Variants in REEP3 observed in about 807,000 individuals in gnomAD.
REEP3 encodes receptor expression-enhancing protein 3.
A neutral mutation model predicts 41.3 loss-of-function variants in REEP3; 20 were observed. The observed-to-expected ratio is 0.48, with a 90% CI of 0.34 to 0.70. The LOEUF (loss-of-function observed/expected upper bound fraction) is 0.70, where lower values mean the gene tolerates loss of function less well. Among genes scored for constraint, REEP3 ranks in the 30% least tolerant of loss-of-function variants. REEP3 has a pLI of 0.01. For synonymous variants in REEP3, 104 were observed against 101.8 expected (o/e 1.02, Z -0.13); for missense variants, 271 against 308.8 (o/e 0.88, Z 0.92).
intron 1 of REEP3, among the ~76,000 whole-genome samples, chr10:63,535,266 C>G (rs966459753): frequency 6.6e-6 from 1 of 151,900 alleles, no homozygotes; most frequent in African/African-American, 2.4e-5. Flanking sequence ...CAATAAATAT[C>G]AACAAATTTT....
chr10:63,607,918 G>T (rs1044808380), intron 5 of REEP3, among the ~76,000 whole-genome samples: 1 of 152,172 alleles, frequency 6.6e-6, no homozygotes, highest in Non-Finnish European at 1.5e-5. Flanking sequence ...TGAGTCATTT[G>T]TATCCTGAAA....
chr10:63,568,537 G>A (rs914442961), intron 2 of REEP3, among the ~76,000 whole-genome samples: 2 of 151,964 alleles, frequency 1.3e-5, no homozygotes, highest in Non-Finnish European at 2.9e-5. Flanking sequence ...AAAGTGCTGG[G>A]ATTACAGGCG....
chr10:63,556,298 C>G (rs902364950), intron 1 of REEP3, among the ~76,000 whole-genome samples: 2 of 149,384 alleles, frequency 1.3e-5, no homozygotes, highest in Non-Finnish European at 3.0e-5. Context: ...TTTTTTGTAT[C>G]TTTAGTAGAG....
intron 1 of REEP3, among the ~76,000 whole-genome samples, chr10:63,541,678 C>T (rs577367834): frequency 9.5e-4 from 142 of 149,988 alleles, no homozygotes; most frequent in African/African-American, 3.4e-3. Context: ...GTTATATTAA[C>T]GAAAGAACTG....
At chr10:63,540,172 TAGG>T in intron 1 of REEP3, among the ~76,000 whole-genome samples, 1 of 152,276 alleles carries the variant, frequency 6.6e-6, no homozygotes, top group East Asian at 1.9e-4. Flanking sequence ...ACAGAAGTAT[TAGG>T]AGAAAAGAAT....
Position 63,621,871 on chromosome 10 carries a change from T to C in REEP3, c.*1002T>C, listed in dbSNP as rs1956355757. On this transcript the variant is annotated 3_prime_UTR_variant, in exon 8 of 8. Coordinates refer to ENST00000373758, the MANE Select transcript of REEP3 (RefSeq NM_001001330.3). ...GCCAATCCATTCACAAGCTTGGCAT[T>C]GACATGTGCTGCTAGTTTATAAACT... 1 of 152,224 alleles carries C rather than the reference T, an allele frequency of 6.6e-6. No individual in the cohort carries two copies. Among genetic ancestry groups the C allele is most frequent in the African/African-American group, 2.4e-5 (1 of 41,462 alleles). 9.4% of individuals were successfully genotyped at this position (152,224 alleles called of 1,614,324 possible).
chr10:63,600,929 G>A (rs1956166445), intron 5 of REEP3, among the ~76,000 whole-genome samples: 1 of 152,008 alleles, frequency 6.6e-6, no homozygotes, highest in Non-Finnish European at 1.5e-5. Context: ...CGAGGCAGAT[G>A]GATCACTTAA....
chr10:63,598,425 A>G (rs1956137946), intron 4 of REEP3, among the ~76,000 whole-genome samples: 1 of 139,770 alleles, frequency 7.2e-6, no homozygotes, highest in South Asian at 2.5e-4. Flanking sequence ...CGGAGGTTGC[A>G]GTGAGCTGAG....
intron 1 of REEP3, among the ~76,000 whole-genome samples, chr10:63,538,265 T>G: frequency 6.6e-6 from 1 of 152,176 alleles, no homozygotes. Flanking sequence ...ATAAGAGTAA[T>G]TTAAATTTTT....
At chr10:63,549,985 G>A (rs990304144) in intron 1 of REEP3, among the ~76,000 whole-genome samples, 2 of 152,218 alleles carry the variant, frequency 1.3e-5, no homozygotes, top group Non-Finnish European at 2.9e-5. Flanking sequence ...AGCAAGGGGT[G>A]AGGAGGCCTG....
chr10:63,569,844 A>G (rs1451387984), intron 2 of REEP3, among the ~76,000 whole-genome samples: 1 of 152,108 alleles, frequency 6.6e-6, no homozygotes, highest in Non-Finnish European at 1.5e-5. Context: ...GGAAAGGCTG[A>G]GGTGGGAGAA....
rs980807354 is a variant in REEP3 at position 63,622,770 on chromosome 10, G to T, written c.*1901G>T. The T allele has an allele frequency of 1.4e-5, 2 of 147,130 alleles. No homozygotes were observed. Among genetic ancestry groups the T allele is most frequent in the African/African-American group, 5.1e-5 (2 of 39,296 alleles). 9.1% of individuals were successfully genotyped at this position (147,130 alleles called of 1,614,324 possible). On this transcript the variant is annotated 3_prime_UTR_variant, in exon 8 of 8. Transcript: ENST00000373758. ...TCACCAGGCTGGAGTGCAGTGGCGC[G>T]ATCTCGGCTCACTACAACCTCTGCC...
At chr10:63,615,318 TA>T (rs1956303804) in intron 6 of REEP3, among the ~76,000 whole-genome samples, 1 of 152,156 alleles carries the variant, frequency 6.6e-6, no homozygotes, top group Non-Finnish European at 1.5e-5. Context: ...GGTTTTAAGT[TA>T]AACAGAAAAT....
intron 6 of REEP3, among the ~76,000 whole-genome samples, chr10:63,614,414 C>A (rs1956297953): frequency 6.6e-6 from 1 of 152,170 alleles, no homozygotes; most frequent in South Asian, 2.1e-4. Flanking sequence ...CAGCTGTGGT[C>A]TGACAGCAGC....
chr10:63,562,243 A>T (rs1955746957), intron 1 of REEP3, among the ~76,000 whole-genome samples: 1 of 151,682 alleles, frequency 6.6e-6, no homozygotes, highest in African/African-American at 2.4e-5. Context: ...TAATATTGTT[A>T]AATAAGGCAG....
chr10:63,543,576 T>C (rs1243697091), intron 1 of REEP3, among the ~76,000 whole-genome samples: 5 of 152,190 alleles, frequency 3.3e-5, no homozygotes, highest in Non-Finnish European at 7.3e-5. Context: ...TTTGTCACAT[T>C]TTCATTTTCT....
At chr10:63,583,245 C>T (rs1434655507) in intron 2 of REEP3, among the ~76,000 whole-genome samples, 1 of 152,178 alleles carries the variant, frequency 6.6e-6, no homozygotes, top group East Asian at 1.9e-4. Context: ...CCCACCTCAG[C>T]CTCCCAAAGT....
chr10:63,603,615 A>G (rs976965706), intron 5 of REEP3, among the ~76,000 whole-genome samples: 1 of 152,144 alleles, frequency 6.6e-6, no homozygotes, highest in Non-Finnish European at 1.5e-5. Flanking sequence ...TATCCCCTAA[A>G]TGAAATCAGA....
intron 1 of REEP3, among the ~76,000 whole-genome samples, chr10:63,553,237 C>G (rs1486620782): frequency 5.3e-5 from 8 of 152,070 alleles, no homozygotes; most frequent in African/African-American, 1.7e-4. Context: ...GAAAAAATTA[C>G]TGTGTTGGAG....
Sources: allele counts gnomAD v4.1 joint callset (sites outside exome capture counted in the v4.1 genomes callset), GRCh38; gene constraint gnomAD v4.1.1; transcripts MANE v1.5; gene names NCBI Gene and HGNC (gene_info 2026-07-23, HGNC 2026-07-21).